Variants in SLC35F3 observed in about 807,000 individuals in gnomAD.
SLC35F3 encodes the protein solute carrier family 35 member F3, also known as putative thiamine transporter SLC35F3.
Under a neutral mutation model 49.9 loss-of-function variants are expected in SLC35F3, and 25 were observed. That is an observed-to-expected ratio of 0.50 (90% CI 0.37 to 0.70). SLC35F3 has a LOEUF of 0.70. Among genes scored for constraint, SLC35F3 ranks in the 30% least tolerant of loss-of-function variants. SLC35F3 has a pLI of 0.00. For missense variants in SLC35F3, 525 were observed against 639.8 expected, an observed-to-expected ratio of 0.82 and a Z score of 1.94; for synonymous variants, 275 against 265.4, an observed-to-expected ratio of 1.04 and a Z score of -0.35.
intron 3 of SLC35F3, chr1:234,285,618 T>A: frequency 3.9e-6 from 1 of 254,550 alleles, no homozygotes; most frequent in Non-Finnish European, 7.7e-6. Flanking sequence ...ATTTTAATGA[T>A]GCAATAACAG....
At chr1:233,945,320 G>T (rs2102801422) in intron 2 of SLC35F3, among the ~76,000 whole-genome samples, 1 of 152,216 alleles carries the variant, frequency 6.6e-6, no homozygotes, top group South Asian at 2.1e-4. Context: ...GCCTCCAATT[G>T]TAATTCAGCA....
chr1:234,224,878 G>A (rs1667263056), intron 2 of SLC35F3, among the ~76,000 whole-genome samples: 1 of 152,204 alleles, frequency 6.6e-6, no homozygotes, highest in Non-Finnish European at 1.5e-5. Context: ...TGTATTGGGT[G>A]TCTAACCACC....
intron 2 of SLC35F3, among the ~76,000 whole-genome samples, chr1:234,145,404 T>C (rs1161684757): frequency 6.6e-6 from 1 of 151,998 alleles, no homozygotes; most frequent in Non-Finnish European, 1.5e-5. Context: ...GCTTGATCAG[T>C]TTCTGAAAAA....
At chr1:234,112,125 G>A (rs933727741) in intron 2 of SLC35F3, among the ~76,000 whole-genome samples, 2 of 152,136 alleles carry the variant, frequency 1.3e-5, no homozygotes, top group African/African-American at 4.8e-5. Context: ...AGGATCACTT[G>A]AGCCCAGGAG....
Position 234,309,321 on chromosome 1 carries a change from G to T in SLC35F3, c.828+1G>T. On this transcript the variant is annotated splice_donor_variant, in intron 4 of 7. Coordinates refer to ENST00000366618, the MANE Select transcript of SLC35F3 (RefSeq NM_173508.4). LOFTEE classifies it high-confidence loss of function. ...CAGGGACAGATTCATGGGAGTGAGG[G>T]TAAGTTCCTTATTATCTGTCTTCCT... is the stretch of plus-strand genomic sequence containing the variant. 2 of 1,613,830 alleles carry T rather than the reference G, an allele frequency of 1.2e-6. No homozygotes were observed. The highest frequency in any genetic ancestry group is 1.7e-6 in the Non-Finnish European group (2 of 1,179,752).
At chr1:234,038,237 G>GT (rs1298880438) in intron 2 of SLC35F3, among the ~76,000 whole-genome samples, 13 of 150,714 alleles carry the variant, frequency 8.6e-5, no homozygotes, top group African/African-American at 2.7e-4. Context: ...CCTTGCGATA[G>GT]TTTACTGAGA....
intron 2 of SLC35F3, among the ~76,000 whole-genome samples, chr1:234,174,861 A>G (rs1666452195): frequency 6.6e-6 from 1 of 152,206 alleles, no homozygotes; most frequent in African/African-American, 2.4e-5. Context: ...CTAAGCCACA[A>G]AGAAAAAGCT....
At chr1:233,997,995 AC>A (rs1460860458) in intron 2 of SLC35F3, among the ~76,000 whole-genome samples, 1 of 151,984 alleles carries the variant, frequency 6.6e-6, no homozygotes, top group Non-Finnish European at 1.5e-5. Context: ...CAGGTGATCC[AC>A]CCACCTCGGC....
At chr1:233,996,803 C>A (rs1402389870) in intron 2 of SLC35F3, among the ~76,000 whole-genome samples, 1 of 152,130 alleles carries the variant, frequency 6.6e-6, no homozygotes, top group East Asian at 1.9e-4. Flanking sequence ...GCAATCTCAT[C>A]CCATTTTAAA....
chr1:234,013,304 A>G (rs2102838730), intron 2 of SLC35F3, among the ~76,000 whole-genome samples: 1 of 152,296 alleles, frequency 6.6e-6, no homozygotes, highest in East Asian at 1.9e-4. Context: ...AGCAAAAACA[A>G]CCTACAGGAT....
rs1361279872 is a variant in SLC35F3, at chr1:234,023,421, C to T, written c.283+117663C>T. ...GCCGAAGCTGGAACAATTTGAACAA[C>T]AAAATAAAGAGAGTAGTATTTGATT... On this transcript the variant is annotated intron_variant, in intron 2 of 7. Transcript: ENST00000366618. Among the ~76,000 whole-genome samples the T allele has an allele frequency of 2.0e-5, 3 of 152,020 alleles. No homozygotes were observed. In the East Asian group the frequency reaches 5.8e-4, roughly 29 times the overall value.
chr1:234,241,463 G>A (rs773385022), intron 3 of SLC35F3, among the ~76,000 whole-genome samples: 4 of 152,250 alleles, frequency 2.6e-5, no homozygotes, highest in Non-Finnish European at 4.4e-5. Flanking sequence ...CAGGACAGCC[G>A]CGGTGGCTCA....
intron 2 of SLC35F3, among the ~76,000 whole-genome samples, chr1:233,923,425 C>A (rs1244840354): frequency 6.6e-6 from 1 of 152,128 alleles, no homozygotes; most frequent in Non-Finnish European, 1.5e-5. Context: ...AATGGGAGTT[C>A]ACTCATGATT....
chr1:234,290,281 G>A (rs1668486178), intron 3 of SLC35F3, among the ~76,000 whole-genome samples: 1 of 151,946 alleles, frequency 6.6e-6, no homozygotes, highest in South Asian at 2.1e-4. Context: ...GAAGAAAATG[G>A]GGAGAAGAAA....
In SLC35F3 at chr1:234,231,759, G is replaced by A; in HGVS notation, c.608+18G>A. The A allele has an allele frequency of 1.9e-6, 3 of 1,579,058 alleles. No homozygotes were observed. The highest frequency in any genetic ancestry group is 1.2e-5 in the South Asian group (1 of 84,708). On this transcript the variant is annotated intron_variant, in intron 3 of 7. Coordinates refer to ENST00000366618, the MANE Select transcript of SLC35F3 (RefSeq NM_173508.4). This position sits in a 1 kb window ranked among gnomAD's most constrained non-coding sequence, Gnocchi z 5.4. The stretch of plus-strand genomic sequence containing the variant: ...CGATACAGGTAGGCGCGTCCTGCAT[G>A]AGGAGGCCTCCTGACCCCGGGCTGC...
intron 2 of SLC35F3, among the ~76,000 whole-genome samples, chr1:234,142,289 C>A (rs1213822085): frequency 2.0e-5 from 3 of 152,154 alleles, no homozygotes; most frequent in Non-Finnish European, 4.4e-5. Flanking sequence ...GATGTTTAGA[C>A]CATGGAACTA....
chr1:233,914,827 G>T (rs1661942304), intron 2 of SLC35F3, among the ~76,000 whole-genome samples: 1 of 152,102 alleles, frequency 6.6e-6, no homozygotes, highest in Non-Finnish European at 1.5e-5. Flanking sequence ...AATAGAGCAG[G>T]GAACCAGTTT....
At chr1:233,976,720 C>T (rs1237726154) in intron 2 of SLC35F3, among the ~76,000 whole-genome samples, 2 of 152,148 alleles carry the variant, frequency 1.3e-5, no homozygotes, top group Non-Finnish European at 2.9e-5. Context: ...AAGCAATTCT[C>T]CTGCCTCAGC....
intron 2 of SLC35F3, among the ~76,000 whole-genome samples, chr1:234,062,811 G>C (rs1364521579): frequency 6.6e-6 from 1 of 150,476 alleles, no homozygotes; most frequent in East Asian, 1.9e-4. Context: ...TCCCTGAGTA[G>C]CTGGGACTAC....
Sources: allele counts gnomAD v4.1 joint callset (sites outside exome capture counted in the v4.1 genomes callset), GRCh38; gene constraint gnomAD v4.1.1; non-coding constraint Gnocchi (gnomAD v3.1); transcripts MANE v1.5; gene names NCBI Gene and HGNC (gene_info 2026-07-23, HGNC 2026-07-21).